IBTK: variants seen among roughly 807,000 people sequenced by gnomAD.
IBTK encodes the protein inhibitor of Bruton tyrosine kinase.
A neutral mutation model predicts 154.9 loss-of-function variants in IBTK; 83 were observed. The ratio of observed to expected loss-of-function variants is 0.54; its 90% confidence interval spans 0.45 to 0.64. The LOEUF is 0.64. Ranked by LOEUF, IBTK falls within the 30% of genes least tolerant of loss-of-function variation. The pLI is 0.00. For missense variants in IBTK, 1,332 were observed against 1,584.6 expected, an observed-to-expected ratio of 0.84 and a Z score of 2.71; for synonymous variants, 515 against 536.1, an observed-to-expected ratio of 0.96 and a Z score of 0.54.
At chr6:82,206,115 T>A (rs1013835217) in intron 16 of IBTK, among the ~76,000 whole-genome samples, 1 of 152,190 alleles carries the variant, frequency 6.6e-6, no homozygotes, top group Non-Finnish European at 1.5e-5. Flanking sequence ...AGCAGTTGAA[T>A]CTTGTTAAGA....
At chr6:82,242,841 G>A (rs900488398) in intron 1 of IBTK, among the ~76,000 whole-genome samples, 1 of 152,052 alleles carries the variant, frequency 6.6e-6, no homozygotes, top group African/African-American at 2.4e-5. Context: ...GGAGGCTGAG[G>A]CAGGAGAAAT....
chr6:82,188,284 AAATC>A (rs1768629580), intron 25 of IBTK, among the ~76,000 whole-genome samples: 1 of 152,234 alleles, frequency 6.6e-6, no homozygotes, highest in South Asian at 2.1e-4. Flanking sequence ...ACATGGATGT[AAATC>A]AATGGCTATT....
intron 7 of IBTK, 47 bp downstream of exon 7, chr6:82,224,021 A>C (rs762010194): frequency 1.0e-6 from 1 of 998,424 alleles, no homozygotes; most frequent in East Asian, 2.4e-5. Context: ...ATAATTTTTT[A>C]AAGAGTCCAA....
intron 9 of IBTK, among the ~76,000 whole-genome samples, chr6:82,219,272 G>C (rs1233984072): frequency 6.6e-6 from 1 of 152,034 alleles, no homozygotes; most frequent in Non-Finnish European, 1.5e-5. Flanking sequence ...CTGATGTAGA[G>C]CTCTAATATT....
chr6:82,171,819 TG>T (rs1324160492), intron 28 of IBTK, among the ~76,000 whole-genome samples: 15 of 152,274 alleles, frequency 9.9e-5, no homozygotes, highest in Admixed American at 9.8e-4. Flanking sequence ...AAACTGAAAA[TG>T]GTTGCTAAAA....
rs1184911865 is a variant in IBTK, at chr6:82,223,433, C to T, written c.1124+7G>A. On this transcript the variant is annotated splice_region_variant and intron_variant, in intron 8 of 28. Coordinates refer to ENST00000306270, the MANE Select transcript of IBTK (RefSeq NM_015525.4). ...AAATTACGTTTCTTTCACAGAAATA[C>T]ACATACTTAGAAGCCATCTTCTTGC... The T allele has an allele frequency of 4.4e-6, 7 of 1,599,528 alleles. No individual in the cohort carries two copies. Among genetic ancestry groups the T allele is most frequent in the Admixed American group, 1.7e-5 (1 of 58,654 alleles).
chr6:82,190,871 C>T (rs528516722), intron 25 of IBTK, among the ~76,000 whole-genome samples: 1 of 151,850 alleles, frequency 6.6e-6, no homozygotes, highest in East Asian at 1.9e-4. Flanking sequence ...TGTCAAAACA[C>T]CCCAAATTAA....
At chr6:82,199,255 G>A (rs1427115142) in intron 21 of IBTK, among the ~76,000 whole-genome samples, 1 of 152,086 alleles carries the variant, frequency 6.6e-6, no homozygotes, top group African/African-American at 2.4e-5. Context: ...GTGTGTTTGT[G>A]TGTGTGTGTA....
chr6:82,180,608 G>A (rs909769892), intron 26 of IBTK, among the ~76,000 whole-genome samples: 7 of 152,150 alleles, frequency 4.6e-5, no homozygotes, highest in Non-Finnish European at 1.0e-4. Context: ...ACAAGTTAGG[G>A]AGATGACTTC....
chr6:82,203,442 C>T (rs1053064955), intron 17 of IBTK, among the ~76,000 whole-genome samples: 1 of 152,110 alleles, frequency 6.6e-6, no homozygotes, highest in African/African-American at 2.4e-5. Flanking sequence ...TTTTCTTTCT[C>T]ACCTGTGATT....
rs149560656 is a variant in IBTK, at chr6:82,242,077, G to T, written c.-357-1234C>A. Among the ~76,000 whole-genome samples, 15 of 152,280 alleles carry T rather than the reference G, an allele frequency of 9.9e-5. No individual in the cohort carries two copies. In the East Asian group the frequency reaches 1.9e-3, roughly 20 times the overall value. On this transcript the variant is annotated intron_variant, in intron 1 of 28. Transcript: ENST00000306270. ...GTAGTTGCAGATTTTGCTAGTAAAAGTAATGGCAATGGCCAGGCGCAGTGG... is the reference window on the plus strand; with the variant it reads ...GTAGTTGCAGATTTTGCTAGTAAAATTAATGGCAATGGCCAGGCGCAGTGG...
At chr6:82,184,040 G>C (rs530796370) in intron 25 of IBTK, among the ~76,000 whole-genome samples, 2 of 152,236 alleles carry the variant, frequency 1.3e-5, no homozygotes, top group South Asian at 4.2e-4. Flanking sequence ...CCAGTCTGTG[G>C]GACTCTGTTA....
intron 2 of IBTK, among the ~76,000 whole-genome samples, chr6:82,234,558 G>C (rs191182734): frequency 6.6e-6 from 1 of 151,634 alleles, no homozygotes; most frequent in Admixed American, 6.6e-5. Flanking sequence ...GGATGGTCTC[G>C]ACCTCTGACC....
intron 25 of IBTK, 24 bp from the exon 26 acceptor site, chr6:82,182,052 G>A: frequency 6.3e-7 from 1 of 1,579,902 alleles, no homozygotes; most frequent in Non-Finnish European, 8.5e-7. Flanking sequence ...CAAAGATCAT[G>A]TTAAAACATC....
intron 25 of IBTK, among the ~76,000 whole-genome samples, chr6:82,186,474 T>C (rs1433666386): frequency 6.6e-6 from 1 of 152,196 alleles, no homozygotes; most frequent in Admixed American, 6.5e-5. Flanking sequence ...TTTTTTTTTG[T>C]AGATATTATG....
chr6:82,243,939 T>C (rs1771049357), intron 1 of IBTK, among the ~76,000 whole-genome samples: 1 of 152,174 alleles, frequency 6.6e-6, no homozygotes, highest in South Asian at 2.1e-4. Context: ...TACTATCATA[T>C]AGAGAAAGCG....
In IBTK at chr6:82,182,024, A is replaced by C. The variant is rs1768340548; in HGVS notation, c.3580T>G (p.Ser1194Ala). 2 of 1,592,176 alleles carry C rather than the reference A, an allele frequency of 1.3e-6. No homozygotes were observed. The highest frequency in any genetic ancestry group is 4.5e-5 in the East Asian group (2 of 44,218). Residue 1194 changes from serine to alanine, a missense_variant, in exon 26 of 29, where the codon TCT becomes GCT. By Grantham distance (99) the Ser-to-Ala change is moderately conservative (BLOSUM62 1). Coordinates refer to ENST00000306270, the MANE Select transcript of IBTK (RefSeq NM_015525.4). ...TTGGATGAAACTGAATGCAGAGAAGATGCCCTGCAAAAGAAAGCAAAGATC... is the reference window on the plus strand; with the variant it reads ...TTGGATGAAACTGAATGCAGAGAAGCTGCCCTGCAAAAGAAAGCAAAGATC... ...KAPKPVNAWA[S>A]SLHSVSSKSF...
intron 11 of IBTK, among the ~76,000 whole-genome samples, chr6:82,215,231 G>A (rs1260496899): frequency 6.6e-6 from 1 of 152,094 alleles, no homozygotes; most frequent in Non-Finnish European, 1.5e-5. Context: ...ACTGGGGCAG[G>A]CCTGGGCAAA....
chr6:82,224,140 C>T lies in IBTK; in HGVS notation c.871G>A (p.Ala291Thr), dbSNP rs1185002990. 6.2e-7 allele frequency: 1 copy of T among 1,614,068 alleles called. No homozygotes were observed. Among genetic ancestry groups the T allele is most frequent in the South Asian group, 1.1e-5 (1 of 91,076 alleles). Reference sequence around the variant, plus strand: ...CATAGGACTGTATGAAACCTGCCTGCTGCAACGCCAATGATTGTCCTTCCT... The same window carrying T: ...CATAGGACTGTATGAAACCTGCCTGTTGCAACGCCAATGATTGTCCTTCCT... ...LKGRTIIGVA[A>T]GRFHTVLWTR... Residue 291 changes from alanine to threonine, a missense_variant, in exon 7 of 29, where the codon GCA (alanine) becomes ACA (threonine). Ala to Thr is a moderately conservative substitution (Grantham distance 58, BLOSUM62 0). Transcript: ENST00000306270.
Sources: allele counts gnomAD v4.1 joint callset (sites outside exome capture counted in the v4.1 genomes callset), GRCh38; gene constraint gnomAD v4.1.1; transcripts MANE v1.5; gene names NCBI Gene and HGNC (gene_info 2026-07-23, HGNC 2026-07-21).